PLXDC1: variants seen among roughly 807,000 people sequenced by gnomAD.
PLXDC1 encodes the protein plexin domain-containing protein 1.
Under a neutral mutation model 61.3 loss-of-function variants are expected in PLXDC1, and 39 were observed. That is an observed-to-expected ratio of 0.64 (90% CI 0.49 to 0.83). The LOEUF (loss-of-function observed/expected upper bound fraction) is 0.83. Ranked by LOEUF, PLXDC1 falls within the 40% of genes least tolerant of loss-of-function variation. The pLI is 0.00. For synonymous variants in PLXDC1, 212 were observed against 254.5 expected, an observed-to-expected ratio of 0.83 and a Z score of 1.59; for missense variants, 596 against 666.5, an observed-to-expected ratio of 0.89 and a Z score of 1.17.
intron 1 of PLXDC1, among the ~76,000 whole-genome samples, chr17:39,147,101 A>G (rs1400528045): frequency 2.0e-5 from 3 of 150,512 alleles, no homozygotes; most frequent in South Asian, 4.4e-4. Context: ...GATTACAGGC[A>G]TGTACCACCA....
chr17:39,092,164 G>C (rs2143527668), intron 7 of PLXDC1, among the ~76,000 whole-genome samples: 1 of 151,946 alleles, frequency 6.6e-6, no homozygotes, highest in East Asian at 1.9e-4. Context: ...CTGCAGCCTT[G>C]ACCTCCCAGG....
intron 2 of PLXDC1, among the ~76,000 whole-genome samples, chr17:39,130,060 A>G (rs1211985208): frequency 6.6e-6 from 1 of 152,244 alleles, no homozygotes; most frequent in Non-Finnish European, 1.5e-5. Flanking sequence ...GTGTAACTTC[A>G]TAGAAATAAA....
chr17:39,105,860 C>T lies in PLXDC1; in HGVS notation c.805G>A (p.Val269Met). The T allele has an allele frequency of 6.2e-7, 1 of 1,610,684 alleles. No individual in the cohort carries two copies. The highest frequency in any genetic ancestry group is 8.5e-7 in the Non-Finnish European group (1 of 1,177,038). Residue 269 changes from valine to methionine, a missense_variant, in exon 7 of 14, where the codon GTG (valine) becomes ATG (methionine). Physicochemically the swap from Val to Met is conservative, Grantham distance 21. Transcript: ENST00000315392. ...AFMILNPSPD[V>M]PESRRRSIFE... ...GGGGTCCCTGAAGACTCACCTGGCA[C>T]ATCCGGGGATGGATTGAGAATCATG... is the stretch of plus-strand genomic sequence containing the variant.
intron 2 of PLXDC1, among the ~76,000 whole-genome samples, chr17:39,122,121 G>GT (rs1177005611): frequency 6.9e-6 from 1 of 145,652 alleles, no homozygotes. Flanking sequence ...AGGGGGGGGG[G>GT]ACTGGGTGCA....
chr17:39,086,566 G>A (rs1166780073), intron 8 of PLXDC1, among the ~76,000 whole-genome samples: 4 of 152,078 alleles, frequency 2.6e-5, no homozygotes, highest in Non-Finnish European at 4.4e-5. Context: ...GGTGGCTCAC[G>A]CCTGAAATCC....
intron 7 of PLXDC1, among the ~76,000 whole-genome samples, chr17:39,103,939 A>G (rs114435318): frequency 6.6e-6 from 1 of 152,066 alleles, no homozygotes; most frequent in Admixed American, 6.6e-5. Context: ...ACTCTGCGCC[A>G]CTATAGCATG....
intron 7 of PLXDC1, among the ~76,000 whole-genome samples, chr17:39,098,789 C>G (rs1219987019): frequency 1.3e-5 from 2 of 152,134 alleles, no homozygotes; most frequent in African/African-American, 4.8e-5. Flanking sequence ...TACAAGGGGA[C>G]TGTGTCATAC....
intron 3 of PLXDC1, 114 bp from the exon 4 acceptor site, chr17:39,109,087 C>T (rs1910702448): frequency 8.0e-7 from 1 of 1,257,206 alleles, no homozygotes; most frequent in South Asian, 1.3e-5. Flanking sequence ...CCCAGGGCCA[C>T]TGCTGGGCAC....
chr17:39,106,084 C>T, intron 6 of PLXDC1, 131 bp from the exon 7 acceptor site: 1 of 581,452 alleles, frequency 1.7e-6, no homozygotes, highest in Non-Finnish European at 3.0e-6. Flanking sequence ...ATTGGAAGCC[C>T]AGTGGGACCC....
At chr17:39,129,695 A>AGAAG (rs1911481923) in intron 2 of PLXDC1, among the ~76,000 whole-genome samples, 1 of 149,414 alleles carries the variant, frequency 6.7e-6, no homozygotes, top group Admixed American at 6.7e-5. Flanking sequence ...AAGAAAAGAA[A>AGAAG]GAAAGAAAGA....
intron 2 of PLXDC1, among the ~76,000 whole-genome samples, chr17:39,136,115 CA>C (rs1911745281): frequency 6.6e-6 from 1 of 152,158 alleles, no homozygotes; most frequent in Non-Finnish European, 1.5e-5. Flanking sequence ...TCTCCTTAAT[CA>C]GGGGCCTCTC....
At position 39,151,540 on chromosome 17, in the gene PLXDC1, A is replaced by AG; in HGVS notation, c.-104dup. ...GCCGCGCGGTCCCCGGGGCTGGCGG[A>AG]GGGGCGGGCGGCGAGGAGACGGCGG... is the stretch of plus-strand genomic sequence containing the variant. On this transcript the variant is annotated 5_prime_UTR_variant, in exon 1 of 14. Coordinates refer to ENST00000315392, the MANE Select transcript of PLXDC1 (RefSeq NM_020405.5). The surrounding 1 kb of genome is among the most constrained non-coding windows in gnomAD (Gnocchi z 5.2). The AG allele has an allele frequency of 8.2e-7, 1 of 1,212,878 alleles. No individual in the cohort carries two copies. Among genetic ancestry groups the AG allele is most frequent in the Non-Finnish European group, 1.0e-6 (1 of 976,320 alleles). The allele number at this position is 1,212,878 out of a possible 1,614,324, so 75.1% of individuals were successfully genotyped here.
Position 39,092,725 on chromosome 17 carries a change from CTT to C in PLXDC1, c.812-5025_812-5024del, listed in dbSNP as rs571381963. ...CTTTGTTTTAAAATCAGAGGCTAGA[CTT>C]TTAAAAAACCTCAGGGCTGGAAGCC... On this transcript the variant is annotated intron_variant, in intron 7 of 13. Coordinates refer to ENST00000315392, the MANE Select transcript of PLXDC1 (RefSeq NM_020405.5). Among the ~76,000 whole-genome samples the C allele has an allele frequency of 2.3e-4, 30 of 133,292 alleles. No individual in the cohort carries two copies. In the East Asian group the frequency reaches 6.6e-3, roughly 29 times the overall value. The allele number at this position is 133,292 out of a possible 152,430, so 87.4% of individuals were successfully genotyped here. A position where few individuals can be genotyped will look rare whatever the true frequency, so the allele number is the denominator to read the frequency against.
At chr17:39,075,661 T>C (rs890158734) in intron 11 of PLXDC1, among the ~76,000 whole-genome samples, 1 of 152,228 alleles carries the variant, frequency 6.6e-6, no homozygotes, top group Non-Finnish European at 1.5e-5. Flanking sequence ...CTACTGGGCA[T>C]ATAGTTGGTC....
intron 7 of PLXDC1, among the ~76,000 whole-genome samples, chr17:39,097,288 G>A (rs1910243585): frequency 6.6e-6 from 1 of 152,206 alleles, no homozygotes; most frequent in Non-Finnish European, 1.5e-5. Context: ...GGTGGGCTTG[G>A]TCAATAGGAT....
At chr17:39,140,275 G>T (rs1911892467) in intron 1 of PLXDC1, among the ~76,000 whole-genome samples, 1 of 152,096 alleles carries the variant, frequency 6.6e-6, no homozygotes, top group Admixed American at 6.5e-5. Context: ...CTTGTAACTG[G>T]TCTATGGTGT....
chr17:39,104,058 T>C (rs917514636), intron 7 of PLXDC1, among the ~76,000 whole-genome samples: 2 of 152,202 alleles, frequency 1.3e-5, no homozygotes, highest in Non-Finnish European at 2.9e-5. Flanking sequence ...AGTCCTGCAC[T>C]GTTCGCTACA....
chr17:39,139,902 G>A (rs1911880540), intron 1 of PLXDC1, 70 bp from the exon 2 acceptor site: 2 of 1,460,502 alleles, frequency 1.4e-6, no homozygotes, highest in Non-Finnish European at 1.8e-6. Flanking sequence ...ATCCAGCCCA[G>A]TTATTCTGCA....
At chr17:39,128,104 T>TATATATAC (rs1911384306) in intron 2 of PLXDC1, among the ~76,000 whole-genome samples, 1 of 87,242 alleles carries the variant, frequency 1.1e-5, no homozygotes, top group African/African-American at 4.5e-5. Context: ...TGTGTATATA[T>TATATATAC]ATATATATAT....
Sources: gnomAD v4.1 joint callset for allele counts (sites outside exome capture counted in the v4.1 genomes callset) on GRCh38, gnomAD v4.1.1 for gene constraint, Gnocchi (gnomAD v3.1) non-coding constraint, MANE v1.5 for transcripts, NCBI Gene and HGNC (gene_info 2026-07-23, HGNC 2026-07-21) for gene names.